Variants in CNTN4 observed in about 807,000 individuals in gnomAD.
CNTN4 encodes contactin-4.
Under a neutral mutation model 122.5 loss-of-function variants are expected in CNTN4, and 77 were observed. The observed-to-expected ratio is 0.63, with a 90% CI of 0.52 to 0.76. CNTN4 has a LOEUF of 0.76. Among genes scored for constraint, CNTN4 ranks in the 30% least tolerant of loss-of-function variants. The pLI is 0.00. For synonymous variants in CNTN4, 512 were observed against 447.0 expected (o/e 1.15, Z -1.83); for missense variants, 1,256 against 1,259.1 (o/e 1.00, Z 0.04).
At chr3:2,851,183 G>A (rs996094029) in intron 7 of CNTN4, among the ~76,000 whole-genome samples, 3 of 152,166 alleles carry the variant, frequency 2.0e-5, no homozygotes, top group Non-Finnish European at 2.9e-5. Context: ...ATATACAGTT[G>A]CAAGTGTAAA....
chr3:2,695,900 G>A (rs986733450), intron 4 of CNTN4, among the ~76,000 whole-genome samples: 4 of 152,128 alleles, frequency 2.6e-5, no homozygotes, highest in African/African-American at 7.2e-5. Context: ...AAGGCACTGA[G>A]GTATGAAATC....
At chr3:2,153,838 CAT>C (rs1289252600) in intron 2 of CNTN4, among the ~76,000 whole-genome samples, 8 of 152,046 alleles carry the variant, frequency 5.3e-5, no homozygotes, top group South Asian at 2.1e-4. Flanking sequence ...TGTGGAAAGT[CAT>C]GTGTAAATTT....
intron 4 of CNTN4, among the ~76,000 whole-genome samples, chr3:2,608,657 CT>C (rs1224462915): frequency 6.6e-6 from 1 of 152,048 alleles, no homozygotes; most frequent in African/African-American, 2.4e-5. Flanking sequence ...AATTTTTTCT[CT>C]TTTTAGTAGA....
chr3:2,197,043 C>G (rs1415794951), intron 2 of CNTN4, among the ~76,000 whole-genome samples: 1 of 129,496 alleles, frequency 7.7e-6, no homozygotes, highest in Non-Finnish European at 1.6e-5. Context: ...GAAACTCGGT[C>G]TCACCAGAAA....
At chr3:2,154,251 G>C (rs954409651) in intron 2 of CNTN4, among the ~76,000 whole-genome samples, 2 of 152,082 alleles carry the variant, frequency 1.3e-5, no homozygotes, top group Admixed American at 6.6e-5. Context: ...CGGATGTGGT[G>C]GTGGGCGCCT....
At chr3:2,981,443 CAA>C (rs573163872) in intron 13 of CNTN4, among the ~76,000 whole-genome samples, 28 of 151,582 alleles carry the variant, frequency 1.8e-4, no homozygotes, top group Admixed American at 1.6e-3. Context: ...GACTCCGTCT[CAA>C]AAAACAAAAA....
intron 2 of CNTN4, among the ~76,000 whole-genome samples, chr3:2,106,808 C>T (rs1282043028): frequency 1.3e-5 from 2 of 152,220 alleles, no homozygotes; most frequent in Non-Finnish European, 2.9e-5. Context: ...ACAGCATCAT[C>T]AGGCTGCAAA....
intron 14 of CNTN4, among the ~76,000 whole-genome samples, chr3:3,025,413 A>T (rs1381126944): frequency 6.6e-6 from 1 of 152,178 alleles, no homozygotes; most frequent in Non-Finnish European, 1.5e-5. Context: ...CTGTAAGCTT[A>T]AAGCAGATTA....
intron 23 of CNTN4, among the ~76,000 whole-genome samples, chr3:3,046,667 C>G (rs1700693820): frequency 6.6e-6 from 1 of 152,110 alleles, no homozygotes; most frequent in Non-Finnish European, 1.5e-5. Context: ...CCAGCCTCTG[C>G]AAAAACATGC....
chr3:2,713,134 A>G (rs2087254269), intron 4 of CNTN4, among the ~76,000 whole-genome samples: 1 of 152,168 alleles, frequency 6.6e-6, no homozygotes, highest in Non-Finnish European at 1.5e-5. Flanking sequence ...TGCAACTGAT[A>G]TCTGAAGTGG....
chr3:2,445,065 C>T lies in CNTN4; in HGVS notation c.-89+105832C>T, dbSNP rs142910340. The stretch of plus-strand genomic sequence containing the variant: ...TATCTGATTGGCTCGACAGCTTGAA[C>T]GTGATTGAGTGTCCATTTAAGCCTA... On this transcript the variant is annotated intron_variant, in intron 3 of 24. Transcript: ENST00000418658. Among the ~76,000 whole-genome samples, 265 of 151,414 alleles carry T rather than the reference C, an allele frequency of 1.8e-3. 2 individuals are homozygous for T. The highest frequency in any genetic ancestry group is 4.4e-4 in the Non-Finnish European group (30 of 67,932).
chr3:2,780,725 T>A (rs1251749772), intron 6 of CNTN4, among the ~76,000 whole-genome samples: 1 of 152,356 alleles, frequency 6.6e-6, no homozygotes, highest in East Asian at 1.9e-4. Flanking sequence ...TACATACGCA[T>A]GCCCTTAAAA....
intron 3 of CNTN4, among the ~76,000 whole-genome samples, chr3:2,453,612 C>T (rs2048905487): frequency 6.6e-6 from 1 of 152,082 alleles, no homozygotes. Flanking sequence ...AAATTTGTTA[C>T]CTACTTCATG....
chr3:2,166,423 G>C (rs1419015043), intron 2 of CNTN4, among the ~76,000 whole-genome samples: 1 of 152,078 alleles, frequency 6.6e-6, no homozygotes, highest in East Asian at 1.9e-4. Context: ...GATTATGAGA[G>C]TGTAAACCTG....
intron 4 of CNTN4, among the ~76,000 whole-genome samples, chr3:2,636,939 GGT>G (rs2082684963): frequency 8.0e-5 from 5 of 62,238 alleles, no homozygotes; most frequent in Admixed American, 1.7e-4. Context: ...TTTTTTTTTT[GGT>G]TTTTTTTTTT....
chr3:2,166,784 A>C (rs1203990926), intron 2 of CNTN4, among the ~76,000 whole-genome samples: 1 of 152,120 alleles, frequency 6.6e-6, no homozygotes, highest in Admixed American at 6.5e-5. Context: ...TTAGTCATTG[A>C]GATTGATGGA....
intron 6 of CNTN4, among the ~76,000 whole-genome samples, chr3:2,800,492 A>C (rs555229341): frequency 6.6e-6 from 1 of 152,360 alleles, no homozygotes; most frequent in Non-Finnish European, 1.5e-5. Context: ...TCTTCCTACA[A>C]GATGAGGAGT....
intron 14 of CNTN4, among the ~76,000 whole-genome samples, chr3:2,989,362 G>A (rs1694855817): frequency 6.6e-6 from 1 of 152,030 alleles, no homozygotes; most frequent in South Asian, 2.1e-4. Context: ...CAGGAAACAG[G>A]AAGCCTTTCC....
At chr3:2,398,486 A>G (rs2046720773) in intron 3 of CNTN4, among the ~76,000 whole-genome samples, 1 of 152,112 alleles carries the variant, frequency 6.6e-6, no homozygotes, top group South Asian at 2.1e-4. Flanking sequence ...ACTTTTCCAA[A>G]TTTACTTTCT....
Sources: gnomAD v4.1 joint callset for allele counts (sites outside exome capture counted in the v4.1 genomes callset) on GRCh38, gnomAD v4.1.1 for gene constraint, MANE v1.5 for transcripts, NCBI Gene and HGNC (gene_info 2026-07-23, HGNC 2026-07-21) for gene names.